Variants in BMERB1 observed in about 807,000 individuals in gnomAD.
BMERB1 encodes bMERB domain containing 1, also known as bMERB domain-containing protein 1.
A neutral mutation model predicts 23.6 loss-of-function variants in BMERB1; 12 were observed. That is an observed-to-expected ratio of 0.51 (90% CI 0.33 to 0.82). The LOEUF (loss-of-function observed/expected upper bound fraction) is 0.82. Among genes scored for constraint, BMERB1 ranks in the 40% least tolerant of loss-of-function variants. The pLI is 0.03. For missense variants in BMERB1, 247 were observed against 255.4 expected (o/e 0.97, Z 0.22); for synonymous variants, 122 against 96.6 (o/e 1.26, Z -1.54).
chr16:15,535,753 A>G (rs538592053), intron 2 of BMERB1, among the ~76,000 whole-genome samples: 1 of 152,238 alleles, frequency 6.6e-6, no homozygotes, highest in Admixed American at 6.5e-5. Context: ...CACTGGAAAA[A>G]AAAAATACCA....
chr16:15,478,858 G>GT (rs1346978335), intron 1 of BMERB1, among the ~76,000 whole-genome samples: 1 of 152,168 alleles, frequency 6.6e-6, no homozygotes, highest in African/African-American at 2.4e-5. Context: ...CTGATCCCAA[G>GT]TATGTCTTTG....
At chr16:15,532,174 C>T in intron 2 of BMERB1, among the ~76,000 whole-genome samples, 1 of 152,162 alleles carries the variant, frequency 6.6e-6, no homozygotes, top group Non-Finnish European at 1.5e-5. Context: ...TAGATCAATC[C>T]AAGACATTCC....
At chr16:15,579,552 G>GA (rs2030955673) in intron 3 of BMERB1, among the ~76,000 whole-genome samples, 1 of 152,220 alleles carries the variant, frequency 6.6e-6, no homozygotes, top group Non-Finnish European at 1.5e-5. Context: ...TGGGCAGGCA[G>GA]ACAAGCTGTC....
intron 1 of BMERB1, among the ~76,000 whole-genome samples, chr16:15,435,007 G>A (rs1316133200): frequency 3.3e-5 from 5 of 152,268 alleles, no homozygotes; most frequent in Non-Finnish European, 5.9e-5. Flanking sequence ...TAAGGCAGGA[G>A]CCTGGGCTCG....
chr16:15,566,920 A>G (rs928479781), intron 2 of BMERB1, among the ~76,000 whole-genome samples: 1 of 152,142 alleles, frequency 6.6e-6, no homozygotes, highest in African/African-American at 2.4e-5. Flanking sequence ...GCAGTGGCTC[A>G]TACCTATATC....
intron 2 of BMERB1, among the ~76,000 whole-genome samples, chr16:15,557,241 T>G (rs1248648559): frequency 6.6e-6 from 1 of 152,174 alleles, no homozygotes; most frequent in Non-Finnish European, 1.5e-5. Flanking sequence ...TTCCGAACAT[T>G]AATCAGGTTC....
chr16:15,482,591 C>T (rs1293447279), intron 1 of BMERB1, among the ~76,000 whole-genome samples: 1 of 152,064 alleles, frequency 6.6e-6, no homozygotes, highest in Non-Finnish European at 1.5e-5. Context: ...CCAAGGGCAC[C>T]TGTGGAAGCA....
At chr16:15,447,638 C>G (rs532992232) in intron 1 of BMERB1, among the ~76,000 whole-genome samples, 1 of 152,112 alleles carries the variant, frequency 6.6e-6, no homozygotes, top group Admixed American at 6.6e-5. Flanking sequence ...TGGGAATTGA[C>G]CTGATAGTAT....
intron 2 of BMERB1, among the ~76,000 whole-genome samples, chr16:15,559,766 G>T (rs2030366907): frequency 6.6e-6 from 1 of 152,140 alleles, no homozygotes. Context: ...ATGTTCAAAG[G>T]ACCATGAAGC....
chr16:15,511,454 T>C (rs2051664237), intron 1 of BMERB1, among the ~76,000 whole-genome samples: 1 of 152,174 alleles, frequency 6.6e-6, no homozygotes, highest in Non-Finnish European at 1.5e-5. Flanking sequence ...ACCTCCACTC[T>C]CTTCCTCCCA....
chr16:15,587,117 T>G lies in BMERB1; in HGVS notation c.*288T>G. The G allele has an allele frequency of 2.4e-6, 1 of 417,438 alleles. No homozygotes were observed. Among genetic ancestry groups the G allele is most frequent in the Non-Finnish European group, 4.3e-6 (1 of 231,690 alleles). 25.9% of individuals were successfully genotyped at this position (417,438 alleles called of 1,614,324 possible). On this transcript the variant is annotated 3_prime_UTR_variant, in exon 6 of 6. Transcript: ENST00000300006. The stretch of plus-strand genomic sequence containing the variant: ...GGAAAGGTCCTCCCTCAAAAAAGCA[T>G]ATCTCCACTTCTCTCTAGCTGTATC...
intron 1 of BMERB1, among the ~76,000 whole-genome samples, chr16:15,507,484 A>G (rs1388253319): frequency 6.6e-6 from 1 of 152,132 alleles, no homozygotes. Flanking sequence ...CAGCAGTGGC[A>G]GTTGGAGCCC....
intron 1 of BMERB1, among the ~76,000 whole-genome samples, chr16:15,443,424 A>G (rs964475761): frequency 1.3e-5 from 2 of 151,094 alleles, no homozygotes; most frequent in African/African-American, 4.9e-5. Flanking sequence ...ACGTGGTGCT[A>G]GCTACTTGGG....
At chr16:15,540,581 G>A (rs888701296) in intron 2 of BMERB1, among the ~76,000 whole-genome samples, 9 of 152,186 alleles carry the variant, frequency 5.9e-5, no homozygotes, top group African/African-American at 1.2e-4. Context: ...CCATGGTAAC[G>A]TGCAAGTGAC....
chr16:15,544,543 A>C (rs1196357831), intron 2 of BMERB1, among the ~76,000 whole-genome samples: 1 of 152,208 alleles, frequency 6.6e-6, no homozygotes, highest in Non-Finnish European at 1.5e-5. Flanking sequence ...TACTTCCTAC[A>C]CTGTGAGAAA....
chr16:15,571,142 A>G (rs2030714176), intron 3 of BMERB1, among the ~76,000 whole-genome samples: 1 of 151,268 alleles, frequency 6.6e-6, no homozygotes, highest in Non-Finnish European at 1.5e-5. Context: ...TATTTTACCC[A>G]GCCCCTATTC....
chr16:15,457,977 G>A lies in BMERB1; in HGVS notation c.106+23218G>A, dbSNP rs150948349. Among the ~76,000 whole-genome samples the A allele has an allele frequency of 1.4e-4, 22 of 152,214 alleles. No homozygotes were observed. The East Asian group carries it at 3.7e-3, about 25-fold the overall frequency. On this transcript the variant is annotated intron_variant, in intron 1 of 5. Coordinates refer to ENST00000300006, the MANE Select transcript of BMERB1 (RefSeq NM_033201.3). ...GAAAACTGCCTTAATTAACCATCAG[G>A]TCTCTCGAGAATTCACTCACTATCA...
At chr16:15,538,188 C>T (rs1416055918) in intron 2 of BMERB1, among the ~76,000 whole-genome samples, 1 of 152,216 alleles carries the variant, frequency 6.6e-6, no homozygotes, top group Non-Finnish European at 1.5e-5. Context: ...TGCGTTGGCT[C>T]ATGCCTGGAA....
intron 2 of BMERB1, among the ~76,000 whole-genome samples, chr16:15,529,318 G>A (rs775573499): frequency 1.1e-4 from 16 of 152,112 alleles, no homozygotes; most frequent in Non-Finnish European, 1.8e-4. Context: ...GAGCCACCGC[G>A]CCCGGCGGTG....
Sources: allele counts gnomAD v4.1 joint callset (sites outside exome capture counted in the v4.1 genomes callset), GRCh38; gene constraint gnomAD v4.1.1; transcripts MANE v1.5; gene names NCBI Gene and HGNC (gene_info 2026-07-23, HGNC 2026-07-21).